The following GPD2 variants were observed in gnomAD, a reference collection of about 807,000 sequenced individuals.
The protein encoded by GPD2 is glycerol-3-phosphate dehydrogenase, mitochondrial.
In GPD2, 54 loss-of-function variants were observed where a neutral mutation model predicts 82.4. That is an observed-to-expected ratio of 0.66 (90% CI 0.53 to 0.82). The LOEUF is 0.82. GPD2 is among the 40% of genes least tolerant of loss of function. GPD2 has a pLI of 0.00. For missense variants in GPD2, 748 were observed against 896.2 expected (o/e 0.83, Z 2.11); for synonymous variants, 288 against 306.1 (o/e 0.94, Z 0.62).
intron 6 of GPD2, among the ~76,000 whole-genome samples, chr2:156,543,224 A>G (rs975695693): frequency 2.6e-5 from 4 of 152,132 alleles, no homozygotes; most frequent in Non-Finnish European, 4.4e-5. Flanking sequence ...CCATGACCAT[A>G]GTTGAATGGA....
the GPD2 span, among the ~76,000 whole-genome samples, chr2:156,405,009 G>A: frequency 6.6e-6 from 1 of 152,226 alleles, no homozygotes; most frequent in Admixed American, 6.5e-5. Flanking sequence ...CGGAGCATTT[G>A]AAGGAATATT....
At chr2:156,441,906 A>G (rs1230603853) in intron 1 of GPD2, among the ~76,000 whole-genome samples, 1 of 152,248 alleles carries the variant, frequency 6.6e-6, no homozygotes, top group Non-Finnish European at 1.5e-5. Flanking sequence ...TTTTCTTTAC[A>G]TATGTATTGA....
At chr2:156,407,956 T>C in the GPD2 span, among the ~76,000 whole-genome samples, 1 of 136,410 alleles carries the variant, frequency 7.3e-6, no homozygotes, top group Non-Finnish European at 1.6e-5. Context: ...TTTTTTTTTT[T>C]TTTTTTTTTT....
At chr2:156,484,979 A>G (rs1683883185) in intron 2 of GPD2, among the ~76,000 whole-genome samples, 2 of 152,196 alleles carry the variant, frequency 1.3e-5, no homozygotes, top group Admixed American at 6.5e-5. Flanking sequence ...GAGTTCGACT[A>G]TTTTAACTCT....
At chr2:156,570,486 A>G (rs79966139) in intron 12 of GPD2, among the ~76,000 whole-genome samples, 5,129 of 152,206 alleles carry the variant, frequency 0.034, 296 homozygotes, top group African/African-American at 0.12. Flanking sequence ...GTTAATTCAC[A>G]GTTGTCCCTT....
At chr2:156,511,744 A>G (rs1005272351) in intron 4 of GPD2, among the ~76,000 whole-genome samples, 1 of 152,220 alleles carries the variant, frequency 6.6e-6, no homozygotes, top group African/African-American at 2.4e-5. Context: ...GAGAGGCGTA[A>G]TGAGGACTAC....
intron 3 of GPD2, among the ~76,000 whole-genome samples, chr2:156,497,726 C>T (rs1321190715): frequency 6.6e-6 from 1 of 152,130 alleles, no homozygotes; most frequent in African/African-American, 2.4e-5. Flanking sequence ...GCAGACCTCA[C>T]AGCCTAAGTT....
At chr2:156,559,712 T>A (rs1409753284) in intron 9 of GPD2, among the ~76,000 whole-genome samples, 1 of 152,200 alleles carries the variant, frequency 6.6e-6, no homozygotes, top group African/African-American at 2.4e-5. Context: ...AATAATAGTA[T>A]AAAAGATACT....
intron 1 of GPD2, among the ~76,000 whole-genome samples, chr2:156,443,594 T>G (rs1682255343): frequency 6.6e-6 from 1 of 152,226 alleles, no homozygotes; most frequent in Non-Finnish European, 1.5e-5. Flanking sequence ...TCTTTTTATT[T>G]TTATTTCAAA....
intron 13 of GPD2, among the ~76,000 whole-genome samples, chr2:156,575,115 T>C (rs1406876433): frequency 6.6e-6 from 1 of 152,204 alleles, no homozygotes; most frequent in Non-Finnish European, 1.5e-5. Context: ...ATTCTCTTGC[T>C]TGGGATCAGC....
chr2:156,469,826 G>A (rs968382038), intron 1 of GPD2, among the ~76,000 whole-genome samples: 1 of 152,194 alleles, frequency 6.6e-6, no homozygotes, highest in Admixed American at 6.5e-5. Flanking sequence ...ATGGGGATTA[G>A]AAAGGTAATT....
intron 16 of GPD2, 88 bp from the exon 17 acceptor site, chr2:156,582,701 CTCTG>C: frequency 1.5e-6 from 2 of 1,363,542 alleles, no homozygotes; most frequent in Non-Finnish European, 2.1e-6. Flanking sequence ...ACTTAATTAC[CTCTG>C]TCTGCTGCAA....
intron 9 of GPD2, among the ~76,000 whole-genome samples, chr2:156,567,011 CT>C (rs2105359841): frequency 6.6e-6 from 1 of 151,918 alleles, no homozygotes; most frequent in Non-Finnish European, 1.5e-5. Flanking sequence ...ATTTGTATAT[CT>C]TTTTTGGAGA....
chr2:156,553,167 C>T (rs1006924357), intron 8 of GPD2, among the ~76,000 whole-genome samples: 6 of 151,978 alleles, frequency 3.9e-5, no homozygotes, highest in East Asian at 3.9e-4. Flanking sequence ...GGATTACAGA[C>T]GTGAGCCACT....
chr2:156,503,045 C>G (rs1425129367), intron 3 of GPD2, among the ~76,000 whole-genome samples: 1 of 152,188 alleles, frequency 6.6e-6, no homozygotes, highest in South Asian at 2.1e-4. Flanking sequence ...CAAAAGACTC[C>G]TGCCCTTGTT....
intron 13 of GPD2, among the ~76,000 whole-genome samples, chr2:156,573,555 A>G (rs922883433): frequency 7.2e-5 from 11 of 152,184 alleles, no homozygotes; most frequent in Admixed American, 2.6e-4. Flanking sequence ...ATTTTATGCT[A>G]GGAATTCAGG....
chr2:156,527,774 G>C (rs541231880), intron 6 of GPD2, among the ~76,000 whole-genome samples: 1 of 151,984 alleles, frequency 6.6e-6, no homozygotes, highest in South Asian at 2.1e-4. Context: ...GATTTACCTG[G>C]GATAGACCAG....
upstream of GPD2, chr2:156,435,143 C>G (rs1436156590): frequency 2.0e-5 from 3 of 152,026 alleles, no homozygotes; most frequent in African/African-American, 7.3e-5. Flanking sequence ...AGGAATTCTG[C>G]GGTATTTAAG....
chr2:156,473,172 T>C (rs298265), intron 1 of GPD2, among the ~76,000 whole-genome samples: 149,148 of 152,294 alleles, frequency 0.98, 73,104 homozygotes, highest in East Asian at 1. Flanking sequence ...TAATGAGCCC[T>C]CAAGCATACA....
Sources: allele counts gnomAD v4.1 joint callset (sites outside exome capture counted in the v4.1 genomes callset), GRCh38; gene constraint gnomAD v4.1.1; transcripts MANE v1.5; gene names NCBI Gene and HGNC (gene_info 2026-07-23, HGNC 2026-07-21).